Variants in RASAL2 observed in about 807,000 individuals in gnomAD.
RASAL2 encodes the protein RAS protein activator like 2, also known as ras GTPase-activating protein nGAP.
RASAL2 carries 58 observed loss-of-function variants against 128.9 expected under a neutral mutation model. That is an observed-to-expected ratio of 0.45 (90% CI 0.36 to 0.56). The LOEUF is 0.56. RASAL2 is among the 20% of genes least tolerant of loss of function. RASAL2 has a pLI of 0.00. For missense variants in RASAL2, 1,360 were observed against 1,601.6 expected (o/e 0.85, Z 2.57); for synonymous variants, 561 against 580.8 (o/e 0.97, Z 0.49).
At chr1:178,266,987 T>C (rs999311279) in intron 1 of RASAL2, among the ~76,000 whole-genome samples, 2 of 152,050 alleles carry the variant, frequency 1.3e-5, no homozygotes, top group African/African-American at 2.4e-5. Flanking sequence ...ATATCAAAGG[T>C]TTCCAGCCCA....
intron 4 of RASAL2, among the ~76,000 whole-genome samples, chr1:178,412,461 A>G (rs1674454570): frequency 6.6e-6 from 1 of 152,104 alleles, no homozygotes. Context: ...TGTGAGAGAA[A>G]CCATTTCTCA....
rs1407050154 is a variant in RASAL2, at chr1:178,146,892, C to G, written c.202+52198C>G. ...TTGGTCTCAGCAGGTGTATGTCAGGCTAACCTGCAGGTGGAGATGTCTATA... is the reference window on the plus strand; with the variant it reads ...TTGGTCTCAGCAGGTGTATGTCAGGGTAACCTGCAGGTGGAGATGTCTATA... On this transcript the variant is annotated intron_variant, in intron 1 of 17. Coordinates refer to ENST00000367649, the MANE Select transcript of RASAL2 (RefSeq NM_170692.4). Among the ~76,000 whole-genome samples, 9 of 152,326 alleles carry G rather than the reference C, an allele frequency of 5.9e-5. No homozygotes were observed. The East Asian group carries it at 9.7e-4, about 16-fold the overall frequency.
At chr1:178,414,978 T>C (rs1674661832) in intron 4 of RASAL2, among the ~76,000 whole-genome samples, 1 of 152,132 alleles carries the variant, frequency 6.6e-6, no homozygotes, top group South Asian at 2.1e-4. Context: ...TTTTTCTTAG[T>C]CTGGCTACAG....
intron 1 of RASAL2, among the ~76,000 whole-genome samples, chr1:178,167,674 T>C (rs998439751): frequency 6.6e-5 from 10 of 152,126 alleles, no homozygotes; most frequent in African/African-American, 2.2e-4. Context: ...ACAAATAAAC[T>C]AGTATTTACA....
At chr1:178,212,085 C>T (rs886758817) in intron 1 of RASAL2, among the ~76,000 whole-genome samples, 1 of 151,936 alleles carries the variant, frequency 6.6e-6, no homozygotes, top group Non-Finnish European at 1.5e-5. Context: ...TTTATGAGGT[C>T]CCTTCTTTTC....
At chr1:178,460,900 G>A (rs1388736053) in intron 14 of RASAL2, among the ~76,000 whole-genome samples, 9 of 151,978 alleles carry the variant, frequency 5.9e-5, no homozygotes, top group South Asian at 4.2e-4. Context: ...TGTAACTTCC[G>A]CCTCCCAGGT....
chr1:178,423,198 T>A (rs750281370), intron 5 of RASAL2, among the ~76,000 whole-genome samples: 17 of 152,134 alleles, frequency 1.1e-4, no homozygotes, highest in Admixed American at 4.6e-4. Flanking sequence ...GTACCTCACT[T>A]CTCTATTGAT....
At chr1:178,352,489 T>G (rs995093003) in intron 3 of RASAL2, among the ~76,000 whole-genome samples, 6 of 152,066 alleles carry the variant, frequency 3.9e-5, no homozygotes, top group Non-Finnish European at 8.8e-5. Flanking sequence ...CTTTCAGAGG[T>G]CAGCCCATGT....
At chr1:178,236,697 C>G (rs1664258624) in intron 1 of RASAL2, among the ~76,000 whole-genome samples, 1 of 150,112 alleles carries the variant, frequency 6.7e-6, no homozygotes, top group South Asian at 2.1e-4. Flanking sequence ...AAACACTAGG[C>G]TTCTCTAGCT....
chr1:178,285,531 TAAC>T (rs1666988640), intron 2 of RASAL2, among the ~76,000 whole-genome samples: 1 of 152,242 alleles, frequency 6.6e-6, no homozygotes, highest in Non-Finnish European at 1.5e-5. Flanking sequence ...TCCCTACCTG[TAAC>T]CCTTTTCCAG....
At chr1:178,098,414 T>C (rs1658771784) in intron 1 of RASAL2, among the ~76,000 whole-genome samples, 1 of 152,180 alleles carries the variant, frequency 6.6e-6, no homozygotes, top group Non-Finnish European at 1.5e-5. Context: ...GTCAATTGGC[T>C]GAAAAAGCTC....
rs1571836128 is a variant in RASAL2, at chr1:178,312,660, T to C, written c.457+12542T>C. On this transcript the variant is annotated intron_variant, in intron 3 of 17. Transcript: ENST00000367649. ...TAATAGCTCGGTACAAGATGTAGAA[T>C]AAAGACAGCCAGTTCAGACTGGAGC... Among the ~76,000 whole-genome samples the C allele has an allele frequency of 2.6e-5, 4 of 152,264 alleles. No individual in the cohort carries two copies. The South Asian group carries it at 8.3e-4, about 32-fold the overall frequency.
chr1:178,458,516 G>C lies in RASAL2; in HGVS notation c.3224G>C (p.Arg1075Thr). 1 of 1,612,448 alleles carries C rather than the reference G, an allele frequency of 6.2e-7. No homozygotes were observed. The highest frequency in any genetic ancestry group is 2.2e-5 in the East Asian group (1 of 44,864). The stretch of plus-strand genomic sequence containing the variant: ...AGAGAGAGCCCTGTTCCCAAAGTTA[G>C]AGCAATCCAGAGACAACAGACACAG... ...SSRESPVPKV[R>T]AIQRQQTQQV... Residue 1075 changes from arginine to threonine, a missense_variant, in exon 14 of 18, where the codon AGA becomes ACA. Transcript: ENST00000367649.
At chr1:178,412,008 G>A (rs1025838303) in intron 4 of RASAL2, 16 of 524,926 alleles carry the variant, frequency 3.0e-5, no homozygotes, top group Middle Eastern at 2.9e-4. Flanking sequence ...TGTGGTCACC[G>A]TCTGTGAACA....
chr1:178,473,314 C>T lies in RASAL2; in HGVS notation c.*75C>T. 1.3e-6 allele frequency: 2 copies of T among 1,534,882 alleles called. No individual in the cohort carries two copies. The highest frequency in any genetic ancestry group is 3.6e-5 in the Admixed American group (2 of 55,970). ...TCTCCAGACCTTTACCTAGCCCCTC[C>T]AGGTTTACAGAATGTTGCTACTTCA... On this transcript the variant is annotated 3_prime_UTR_variant, in exon 18 of 18. Transcript: ENST00000367649.
chr1:178,170,816 A>G (rs1220084893), intron 1 of RASAL2, among the ~76,000 whole-genome samples: 1 of 151,868 alleles, frequency 6.6e-6, no homozygotes, highest in Non-Finnish European at 1.5e-5. Context: ...AGGCACATAC[A>G]TACCAGCCCA....
intron 1 of RASAL2, among the ~76,000 whole-genome samples, chr1:178,132,079 C>T (rs1660139826): frequency 6.6e-6 from 1 of 151,870 alleles, no homozygotes; most frequent in Non-Finnish European, 1.5e-5. Context: ...TTCTCTTTTT[C>T]CTTCTCTTAG....
At chr1:178,159,669 C>T (rs1661205067) in intron 1 of RASAL2, among the ~76,000 whole-genome samples, 1 of 152,034 alleles carries the variant, frequency 6.6e-6, no homozygotes, top group East Asian at 1.9e-4. Context: ...TGACTCATGC[C>T]TGTAATCCCA....
At chr1:178,224,940 A>G (rs1328195702) in intron 1 of RASAL2, among the ~76,000 whole-genome samples, 1 of 152,170 alleles carries the variant, frequency 6.6e-6, no homozygotes, top group African/African-American at 2.4e-5. Context: ...AGTTAGTGCC[A>G]CAACTATGCT....
Sources: allele counts gnomAD v4.1 joint callset (sites outside exome capture counted in the v4.1 genomes callset), GRCh38; gene constraint gnomAD v4.1.1; transcripts MANE v1.5; gene names NCBI Gene and HGNC (gene_info 2026-07-23, HGNC 2026-07-21).